FHIT: variants seen among roughly 807,000 people sequenced by gnomAD.
The protein encoded by FHIT is bis(5'-adenosyl)-triphosphatase.
In FHIT, 19 loss-of-function variants were observed where a neutral mutation model predicts 17.9. The observed-to-expected ratio is 1.06, with a 90% confidence interval of 0.74 to 1.56. FHIT has a LOEUF of 1.56. Among genes scored for constraint, FHIT ranks in the 40% most tolerant of loss-of-function variants. FHIT has a pLI of 0.00. For missense variants in FHIT, 248 were observed against 189.2 expected, an observed-to-expected ratio of 1.31 and a Z score of -1.82; for synonymous variants, 81 against 69.7, an observed-to-expected ratio of 1.16 and a Z score of -0.81.
chr3:60,241,966 A>C (rs1414399293), intron 5 of FHIT, among the ~76,000 whole-genome samples: 1 of 152,096 alleles, frequency 6.6e-6, no homozygotes, highest in Non-Finnish European at 1.5e-5. Context: ...GTAGAGAAAA[A>C]TTGTGGTAAC....
chr3:60,299,041 T>C (rs1708336290), intron 5 of FHIT, among the ~76,000 whole-genome samples: 1 of 152,136 alleles, frequency 6.6e-6, no homozygotes, highest in Non-Finnish European at 1.5e-5. Context: ...TGGAAAATGT[T>C]GTAATCCTGC....
chr3:60,427,715 A>G (rs1250347308), intron 5 of FHIT, among the ~76,000 whole-genome samples: 4 of 152,104 alleles, frequency 2.6e-5, no homozygotes, highest in African/African-American at 7.2e-5. Flanking sequence ...ATATGTGATT[A>G]TTGCTAGATT....
intron 5 of FHIT, among the ~76,000 whole-genome samples, chr3:60,311,247 C>G (rs995651951): frequency 1.9e-5 from 2 of 106,434 alleles, no homozygotes; most frequent in African/African-American, 7.8e-5. Context: ...CCCTCTACCC[C>G]AACGTGTGTG....
rs550959814 is a variant in FHIT at position 61,078,701 on chromosome 3, A to G, written c.-163-36602T>C. Among the ~76,000 whole-genome samples the G allele has an allele frequency of 2.0e-5, 3 of 152,326 alleles. No individual in the cohort carries two copies. In the South Asian group the frequency reaches 6.2e-4, roughly 32 times the overall value. On this transcript the variant is annotated intron_variant, in intron 2 of 9. Transcript: ENST00000492590. ...TTCTTGAAGCTGAATTGCAAGTGCCACAATGACCTGACTTTAAACCAATAA... is the reference window on the plus strand; with the variant it reads ...TTCTTGAAGCTGAATTGCAAGTGCCGCAATGACCTGACTTTAAACCAATAA...
At chr3:60,473,055 C>T (rs982777359) in intron 5 of FHIT, among the ~76,000 whole-genome samples, 4 of 151,998 alleles carry the variant, frequency 2.6e-5, no homozygotes, top group South Asian at 2.1e-4. Flanking sequence ...TGATCCTTTG[C>T]TTTAAAAAAA....
chr3:60,893,867 G>C lies in FHIT; in HGVS notation c.-110-71856C>G, dbSNP rs9833028. 3.2e-3 allele frequency among the ~76,000 whole-genome samples: 487 copies of C among 152,290 alleles called. 5 individuals are homozygous for C. The highest frequency in any genetic ancestry group is 0.024 in the Middle Eastern group (7 of 294). On this transcript the variant is annotated intron_variant, in intron 3 of 9. Coordinates refer to ENST00000492590, the MANE Select transcript of FHIT (RefSeq NM_002012.4). ...CACAAACCAAGAGAGAGAAATCAAG[G>C]CACCACATAGGGGTTAGGACAAGTA...
chr3:60,040,832 G>A lies in FHIT; in HGVS notation c.104-26680C>T, dbSNP rs1016620614. On this transcript the variant is annotated intron_variant, in intron 5 of 9. Coordinates refer to ENST00000492590, the MANE Select transcript of FHIT (RefSeq NM_002012.4). ...GGAATGACATGATTTCTGTTTCTTTGAGAGATTCAAGACTGGATTTCCTTT... is the reference window on the plus strand; with the variant it reads ...GGAATGACATGATTTCTGTTTCTTTAAGAGATTCAAGACTGGATTTCCTTT... Among the ~76,000 whole-genome samples, 7 of 152,178 alleles carry A rather than the reference G, an allele frequency of 4.6e-5. No individual in the cohort carries two copies. The East Asian group carries it at 1.4e-3, about 30-fold the overall frequency.
intron 5 of FHIT, among the ~76,000 whole-genome samples, chr3:60,444,718 T>C (rs1307092343): frequency 2.0e-5 from 3 of 151,916 alleles, no homozygotes; most frequent in Admixed American, 6.6e-5. Flanking sequence ...GTGGGAGAGA[T>C]AGCATTAGGA....
chr3:60,325,756 T>C (rs1006895430), intron 5 of FHIT, among the ~76,000 whole-genome samples: 2 of 152,226 alleles, frequency 1.3e-5, no homozygotes, highest in African/African-American at 4.8e-5. Flanking sequence ...TAAAATTCAG[T>C]CAGTGTCCTC....
chr3:60,718,510 T>A (rs1553707312), intron 4 of FHIT, among the ~76,000 whole-genome samples: 2 of 152,154 alleles, frequency 1.3e-5, no homozygotes. Context: ...ATTTTAACAA[T>A]TGTAAGGGCA....
chr3:59,996,166 C>T (rs1294296560), intron 7 of FHIT, among the ~76,000 whole-genome samples: 1 of 152,090 alleles, frequency 6.6e-6, no homozygotes, highest in East Asian at 1.9e-4. Context: ...TTATTTAATA[C>T]TCACAAAATC....
Position 61,070,982 on chromosome 3 carries a change from G to A in FHIT, c.-163-28883C>T, listed in dbSNP as rs909033967. Among the ~76,000 whole-genome samples, 5 of 152,184 alleles carry A rather than the reference G, an allele frequency of 3.3e-5. No homozygotes were observed. The East Asian group carries it at 5.8e-4, about 18-fold the overall frequency. On this transcript the variant is annotated intron_variant, in intron 2 of 9. Transcript: ENST00000492590. ...TTGTCTGAATATTTTAACAATGCACGAGCACTTATGGAGGTTTTTATTTCA... is the reference window on the plus strand; with the variant it reads ...TTGTCTGAATATTTTAACAATGCACAAGCACTTATGGAGGTTTTTATTTCA...
chr3:60,746,622 G>A (rs1553715425), intron 4 of FHIT, among the ~76,000 whole-genome samples: 2 of 152,290 alleles, frequency 1.3e-5, no homozygotes, highest in African/African-American at 4.8e-5. Context: ...TGGAGCAAGG[G>A]TATGGAGGGA....
intron 3 of FHIT, among the ~76,000 whole-genome samples, chr3:61,021,382 G>A (rs1427811631): frequency 3.3e-5 from 5 of 149,718 alleles, no homozygotes; most frequent in South Asian, 2.2e-4. Flanking sequence ...GGCGGATCAC[G>A]AGGTCAGGAG....
chr3:59,780,505 A>C (rs144296107), intron 8 of FHIT, among the ~76,000 whole-genome samples: 2 of 152,162 alleles, frequency 1.3e-5, no homozygotes, highest in South Asian at 4.1e-4. Context: ...TAATCCCTGG[A>C]GTTCCAGGGT....
chr3:60,370,539 CTT>C (rs1160852570), intron 5 of FHIT, among the ~76,000 whole-genome samples: 2 of 152,190 alleles, frequency 1.3e-5, no homozygotes, highest in Non-Finnish European at 2.9e-5. Context: ...AATTCCTTCT[CTT>C]GTTCCCGCAA....
At chr3:60,175,393 T>C (rs907986103) in intron 5 of FHIT, among the ~76,000 whole-genome samples, 4 of 152,154 alleles carry the variant, frequency 2.6e-5, no homozygotes, top group African/African-American at 9.7e-5. Context: ...TGTGAATCTG[T>C]CCTACAGGGT....
At chr3:61,193,786 G>A (rs2038780649) in intron 2 of FHIT, among the ~76,000 whole-genome samples, 1 of 152,122 alleles carries the variant, frequency 6.6e-6, no homozygotes, top group African/African-American at 2.4e-5. Context: ...TGTAGGGATG[G>A]AAAGGTGTGA....
chr3:60,070,147 C>T (rs370356982), intron 5 of FHIT, among the ~76,000 whole-genome samples: 38 of 152,148 alleles, frequency 2.5e-4, no homozygotes, highest in African/African-American at 7.7e-4. Flanking sequence ...TCAGGATCAC[C>T]TGGAGTGCCC....
Sources: allele counts gnomAD v4.1 joint callset (sites outside exome capture counted in the v4.1 genomes callset), GRCh38; gene constraint gnomAD v4.1.1; transcripts MANE v1.5; gene names NCBI Gene and HGNC (gene_info 2026-07-23, HGNC 2026-07-21).